SAP130: variants seen among roughly 807,000 people sequenced by gnomAD.
The protein encoded by SAP130 is histone deacetylase complex subunit SAP130.
SAP130 carries 16 observed loss-of-function variants against 103.2 expected under a neutral mutation model. The observed-to-expected ratio is 0.16, with a 90% CI of 0.10 to 0.24. SAP130 has a LOEUF of 0.24. Ranked by LOEUF, SAP130 falls within the 10% of genes least tolerant of loss-of-function variation. SAP130 has a pLI of 1.00. For synonymous variants in SAP130, 477 were observed against 497.0 expected, an observed-to-expected ratio of 0.96 and a Z score of 0.53; for missense variants, 990 against 1,359.7, an observed-to-expected ratio of 0.73 and a Z score of 4.28.
At chr2:128,005,989 A>G (rs977313287) in intron 7 of SAP130, among the ~76,000 whole-genome samples, 16 of 152,214 alleles carry the variant, frequency 1.1e-4, no homozygotes, top group Admixed American at 5.9e-4. Flanking sequence ...AAAACCATAA[A>G]TAATGGTCAT....
intron 15 of SAP130, among the ~76,000 whole-genome samples, chr2:127,970,541 TAAAAAA>T (rs70985493): frequency 1.4e-4 from 11 of 80,012 alleles, no homozygotes; most frequent in Non-Finnish European, 2.2e-4. Context: ...GACTCTGTCT[TAAAAAA>T]AAAAAAAAAA....
chr2:127,969,816 C>A (rs1278654299), intron 15 of SAP130, among the ~76,000 whole-genome samples: 1 of 152,164 alleles, frequency 6.6e-6, no homozygotes, highest in Non-Finnish European at 1.5e-5. Flanking sequence ...AGTCATGGGT[C>A]AGGTATGGTG....
Position 127,991,158 on chromosome 2 carries a change from G to A in SAP130, c.1478-1292C>T, listed in dbSNP as rs375172068. Among the ~76,000 whole-genome samples, 51 of 151,982 alleles carry A rather than the reference G, an allele frequency of 3.4e-4. 1 individual carries two copies. The South Asian group carries it at 6.4e-3, about 19-fold the overall frequency. On this transcript the variant is annotated intron_variant, in intron 12 of 20. Transcript: ENST00000643581. ...CTATCCACTGGGGACAGTGAAGCAG[G>A]AGAATCACTTGAAGCTGGGAGGTGG...
intron 18 of SAP130, among the ~76,000 whole-genome samples, chr2:127,947,761 T>TGTGTGTGTGTGA (rs1374035024): frequency 8.1e-6 from 1 of 122,882 alleles, no homozygotes; most frequent in Non-Finnish European, 1.7e-5. Flanking sequence ...GTATTGTGTG[T>TGTGTGTGTGTGA]GTCTGTGTGT....
chr2:127,987,347 G>C (rs1682475988), intron 13 of SAP130, among the ~76,000 whole-genome samples: 1 of 152,050 alleles, frequency 6.6e-6, no homozygotes, highest in African/African-American at 2.4e-5. Flanking sequence ...ACCACACCTG[G>C]ATAATTTTTG....
At chr2:128,001,437 A>C (rs2105095521) in intron 7 of SAP130, among the ~76,000 whole-genome samples, 1 of 152,354 alleles carries the variant, frequency 6.6e-6, no homozygotes, top group African/African-American at 2.4e-5. Context: ...GGTTAGTGGG[A>C]TCTAGCTGGA....
chr2:127,958,163 C>T (rs138656553), intron 15 of SAP130, among the ~76,000 whole-genome samples: 5,106 of 152,304 alleles, frequency 0.034, 112 homozygotes, highest in Middle Eastern at 0.099. Context: ...GCCTGTAATC[C>T]CACCACTTTG....
rs117586294 is a variant in SAP130 at position 127,977,186 on chromosome 2, G to A, written c.2063+799C>T. The stretch of plus-strand genomic sequence containing the variant: ...AATATTACTTGTGGAATTAAGAAGA[G>A]AAAGAACAAATACTGTCATAAGGCC... On this transcript the variant is annotated intron_variant, in intron 15 of 20. Coordinates refer to ENST00000643581, the MANE Select transcript of SAP130 (RefSeq NM_001330301.2). Among the ~76,000 whole-genome samples the A allele has an allele frequency of 3.9e-5, 6 of 152,024 alleles. No individual in the cohort carries two copies. In the East Asian group the frequency reaches 1.2e-3, roughly 29 times the overall value.
intron 15 of SAP130, among the ~76,000 whole-genome samples, chr2:127,967,740 C>T (rs2104847516): frequency 6.6e-6 from 1 of 152,244 alleles, no homozygotes; most frequent in East Asian, 1.9e-4. Flanking sequence ...ATGGATGAAA[C>T]ATCCAGACAG....
intron 7 of SAP130, among the ~76,000 whole-genome samples, chr2:128,000,849 C>T (rs1038781552): frequency 1.3e-5 from 2 of 152,038 alleles, no homozygotes; most frequent in Non-Finnish European, 2.9e-5. Context: ...TTACAGTGAG[C>T]GATGACTGCC....
rs144591539 is a variant in SAP130, at chr2:127,958,593, T to C, written c.2064-3249A>G. On this transcript the variant is annotated intron_variant, in intron 15 of 20. Transcript: ENST00000643581. ...CAACAGAGTAATACCTTTATATGTA[T>C]GCCACACACTCTCTCTCTCATATAT... is the stretch of plus-strand genomic sequence containing the variant. Among the ~76,000 whole-genome samples the C allele has an allele frequency of 6.8e-3, 1,038 of 151,950 alleles. 10 individuals are homozygous for C. Among genetic ancestry groups the C allele is most frequent in the Non-Finnish European group, 0.011 (756 of 67,972 alleles).
At position 127,957,638 on chromosome 2, in the gene SAP130, T is replaced by C. The variant is rs1048500738; in HGVS notation, c.2064-2294A>G. Among the ~76,000 whole-genome samples, 7 of 150,508 alleles carry C rather than the reference T, an allele frequency of 4.7e-5. No homozygotes were observed. The East Asian group carries it at 1.4e-3, about 29-fold the overall frequency. ...CCGCAATGAGTTATGATGGCACCAC[T>C]GAACTCCAGCCACAACAGAGCGAGA... On this transcript the variant is annotated intron_variant, in intron 15 of 20. Coordinates refer to ENST00000643581, the MANE Select transcript of SAP130 (RefSeq NM_001330301.2).
At chr2:127,981,201 T>C (rs1389452294) in intron 14 of SAP130, among the ~76,000 whole-genome samples, 6 of 151,420 alleles carry the variant, frequency 4.0e-5, no homozygotes. Context: ...CAGGATGCGG[T>C]TAACATGTCT....
At chr2:127,947,759 T>TGTCTGTGTGTGTGA (rs1553500381) in intron 18 of SAP130, among the ~76,000 whole-genome samples, 3 of 91,258 alleles carry the variant, frequency 3.3e-5, no homozygotes, top group Admixed American at 2.5e-4. Context: ...TTGTATTGTG[T>TGTCTGTGTGTGTGA]GTGTCTGTGT....
intron 7 of SAP130, among the ~76,000 whole-genome samples, chr2:128,005,783 A>T (rs1223695810): frequency 1.3e-5 from 2 of 151,722 alleles, no homozygotes; most frequent in Non-Finnish European, 2.9e-5. Context: ...AGTAGCTGGG[A>T]TTACAGGCAT....
Position 128,026,262 on chromosome 2 carries a change from C to G in SAP130, c.31G>C (p.Ala11Pro). MSSQQFPRLG[A>P]PSTGLSQAPS... ...GCCTGGCTCAGCCCGGTAGAAGGGG[C>G]TCCTAACCGAGGAAACTGTTGAGAA... Residue 11 changes from alanine (A) to proline (P), a missense_variant, in exon 2 of 21, where the codon GCC becomes CCC. By Grantham distance (27) the Ala-to-Pro change is conservative (BLOSUM62 -1). Around this residue, in one of 6 missense-constraint regions of SAP130, gnomAD observed 167 missense variants for 187.4 expected, o/e 0.89. Transcript: ENST00000643581. 6.2e-7 allele frequency: 1 copy of G among 1,614,094 alleles called. No homozygotes were observed. Among genetic ancestry groups the G allele is most frequent in the Non-Finnish European group, 8.5e-7 (1 of 1,179,968 alleles).
chr2:127,967,277 A>C (rs1680722572), intron 15 of SAP130, among the ~76,000 whole-genome samples: 1 of 152,264 alleles, frequency 6.6e-6, no homozygotes, highest in Admixed American at 6.5e-5. Context: ...ACCACAATAA[A>C]GAGAAAAAGA....
At chr2:128,020,807 T>A (rs567894173) in intron 2 of SAP130, among the ~76,000 whole-genome samples, 2 of 151,648 alleles carry the variant, frequency 1.3e-5, no homozygotes, top group South Asian at 4.2e-4. Flanking sequence ...AAGACCATCA[T>A]CCAACATGGT....
intron 13 of SAP130, 83 bp from the exon 14 acceptor site, chr2:127,987,045 C>T: frequency 1.6e-6 from 2 of 1,231,954 alleles, no homozygotes; most frequent in Non-Finnish European, 2.3e-6. Flanking sequence ...ATGATGAGAC[C>T]ACTAGAATTA....
Sources: gnomAD v4.1 joint callset for allele counts (sites outside exome capture counted in the v4.1 genomes callset) on GRCh38, gnomAD v4.1.1 for gene constraint, gnomAD v4.1.1 regional missense constraint, MANE v1.5 for transcripts, NCBI Gene and HGNC (gene_info 2026-07-23, HGNC 2026-07-21) for gene names.